The following MARK4 variants were observed in gnomAD, a reference collection of about 807,000 sequenced individuals.
MARK4 encodes the protein MAP/microtubule affinity-regulating kinase 4.
MARK4 carries 19 observed loss-of-function variants against 81.5 expected under a neutral mutation model. The ratio of observed to expected loss-of-function variants is 0.23; its 90% CI spans 0.16 to 0.34. MARK4 has a LOEUF of 0.34. Among genes scored for constraint, MARK4 ranks in the 10% least tolerant of loss-of-function variants. The pLI is 1.00. For missense variants in MARK4, 772 were observed against 1,058.8 expected (o/e 0.73, Z 3.76); for synonymous variants, 436 against 439.0 (o/e 0.99, Z 0.08).
chr19:45,302,719 G>T lies in MARK4; in HGVS notation c.*9G>T, dbSNP rs1352215326. 1 of 1,535,970 alleles carries T rather than the reference G, an allele frequency of 6.5e-7. No individual in the cohort carries two copies. Among genetic ancestry groups the T allele is most frequent in the Non-Finnish European group, 8.7e-7 (1 of 1,146,760 alleles). ...ACGACCTCGAGCTCTGAGCCACCAC[G>T]GTCCCAGGGCCCTTACTCTTCCTCT... On this transcript the variant is annotated 3_prime_UTR_variant, in exon 17 of 17. Transcript: ENST00000262891. The surrounding 1 kb of genome is among the most constrained non-coding windows in gnomAD (Gnocchi z 4.9).
rs1248549961 is a variant in MARK4 at position 45,251,562 on chromosome 19, G to A, written c.-27G>A. ...GGACCCCCGCCCCCCCCACCCGGCC[G>A]CCCCTGCCCCCCGGGACCCGGAGAA... On this transcript the variant is annotated 5_prime_UTR_variant, in exon 1 of 17. Coordinates refer to ENST00000262891, the MANE Select transcript of MARK4 (RefSeq NM_001199867.2). 1.8e-5 allele frequency: 8 copies of A among 439,378 alleles called. No homozygotes were observed. The highest frequency in any genetic ancestry group is 1.2e-4 in the African/African-American group (2 of 17,164). The allele number at this position is 439,378 out of a possible 1,614,324, so 27.2% of individuals were successfully genotyped here.
intron 8 of MARK4, among the ~76,000 whole-genome samples, chr19:45,276,715 T>C (rs941360787): frequency 1.4e-5 from 2 of 146,584 alleles, no homozygotes; most frequent in African/African-American, 5.1e-5. Context: ...AACCTCCGCC[T>C]CCTGGGTTCA....
chr19:45,280,366 C>T lies in MARK4; in HGVS notation c.1007-8C>T, dbSNP rs200707452. ...AGTCTGAAACTTCTCTCCATCCCCC[C>T]CTCCCAGAGGTGATGGTGGGTATGG... On this transcript the variant is annotated splice_polypyrimidine_tract_variant and splice_region_variant and intron_variant, in intron 10 of 16. Coordinates refer to ENST00000262891, the MANE Select transcript of MARK4 (RefSeq NM_001199867.2). The T allele has an allele frequency of 7.4e-6, 12 of 1,612,014 alleles. No individual in the cohort carries two copies. The highest frequency in any genetic ancestry group is 3.3e-5 in the Admixed American group (2 of 59,924).
chr19:45,279,489 C>T (rs1294705706), intron 10 of MARK4, among the ~76,000 whole-genome samples: 4 of 152,144 alleles, frequency 2.6e-5, no homozygotes, highest in African/African-American at 7.2e-5. Context: ...TGTACTCCAC[C>T]CTGGGCGACA....
chr19:45,258,593 G>A (rs1412275700), intron 1 of MARK4, among the ~76,000 whole-genome samples: 4 of 151,994 alleles, frequency 2.6e-5, no homozygotes, highest in Admixed American at 1.3e-4. Flanking sequence ...CCAGCTGCTC[G>A]GGAGGCTGAG....
intron 12 of MARK4, among the ~76,000 whole-genome samples, chr19:45,281,197 C>T (rs980253225): frequency 7.3e-5 from 11 of 151,496 alleles, no homozygotes; most frequent in Admixed American, 4.6e-4. Flanking sequence ...GGATTACAGG[C>T]GCCTGCCATA....
chr19:45,267,893 T>C (rs1970476416), intron 7 of MARK4, among the ~76,000 whole-genome samples: 1 of 152,100 alleles, frequency 6.6e-6, no homozygotes. Context: ...ACTCCTGGGC[T>C]CAAGAGATTC....
chr19:45,265,499 G>T (rs1374544883), intron 6 of MARK4, among the ~76,000 whole-genome samples: 2 of 151,440 alleles, frequency 1.3e-5, no homozygotes, highest in South Asian at 2.1e-4. Flanking sequence ...TAAGAGTGTG[G>T]GGGGGGCCAG....
At chr19:45,301,369 GC>G (rs1970969455) in intron 16 of MARK4, among the ~76,000 whole-genome samples, 1 of 151,314 alleles carries the variant, frequency 6.6e-6, no homozygotes, top group Non-Finnish European at 1.5e-5. Context: ...TTTAAGACCT[GC>G]CTGCCCAACA....
chr19:45,260,530 GA>G (rs533155935), intron 2 of MARK4, among the ~76,000 whole-genome samples: 2 of 148,898 alleles, frequency 1.3e-5, no homozygotes, highest in African/African-American at 2.5e-5. Context: ...CATCTTTACT[GA>G]AAAAAAAATA....
chr19:45,296,768 G>C (rs967928250), intron 14 of MARK4, among the ~76,000 whole-genome samples: 1 of 152,228 alleles, frequency 6.6e-6, no homozygotes, highest in Admixed American at 6.5e-5. Context: ...TGGAGGTCTG[G>C]GCTGGGCGCA....
intron 16 of MARK4, among the ~76,000 whole-genome samples, chr19:45,301,847 A>G (rs1212078197): frequency 8.1e-5 from 12 of 147,822 alleles, no homozygotes; most frequent in Admixed American, 7.4e-4. Flanking sequence ...CCTGGGTAAC[A>G]AGAGCAAAAC....
chr19:45,290,668 C>T (rs1970809270), intron 13 of MARK4, among the ~76,000 whole-genome samples: 1 of 152,178 alleles, frequency 6.6e-6, no homozygotes, highest in Non-Finnish European at 1.5e-5. Context: ...GGTGACTGGC[C>T]ATGACCAGCC....
rs1970522304 is a variant in MARK4 at position 45,271,205 on chromosome 19, C to G, written c.550-267C>G. Among the ~76,000 whole-genome samples, 1 of 152,238 alleles carries G rather than the reference C, an allele frequency of 6.6e-6. No homozygotes were observed. The highest frequency in any genetic ancestry group is 2.4e-5 in the African/African-American group (1 of 41,466). ...ATAGGCGTGAGCCACTATGTCTGGC[C>G]TGTGCTAGGTTTTCTATGTGGATTA... On this transcript the variant is annotated intron_variant, in intron 7 of 16. Coordinates refer to ENST00000262891, the MANE Select transcript of MARK4 (RefSeq NM_001199867.2). The surrounding 1 kb of genome is among the most constrained non-coding windows in gnomAD (Gnocchi z 4.1).
rs2123041138 is a variant in MARK4, at chr19:45,264,921, G to T, written c.492+11G>T. On this transcript the variant is annotated intron_variant, in intron 6 of 16. Transcript: ENST00000262891. ...GCCAAGTTCCGACAGGTTGGGGCAG[G>T]GCTGAGGGTGGGGCTGACTGGGTGC... The T allele has an allele frequency of 6.2e-7, 1 of 1,613,976 alleles. No individual in the cohort carries two copies. Among genetic ancestry groups the T allele is most frequent in the African/African-American group, 1.3e-5 (1 of 75,056 alleles).
intron 12 of MARK4, among the ~76,000 whole-genome samples, chr19:45,284,648 C>T (rs936776658): frequency 2.6e-5 from 4 of 151,884 alleles, no homozygotes; most frequent in Non-Finnish European, 5.9e-5. Context: ...TTTCTTACAT[C>T]TCAGTTTTAG....
chr19:45,266,421 AG>A lies in MARK4; in HGVS notation c.549+141del, dbSNP rs1970454585. The A allele has an allele frequency of 5.1e-6, 4 of 791,956 alleles. No homozygotes were observed. In the South Asian group the frequency reaches 6.0e-5, roughly 12 times the overall value. The allele number at this position is 791,956 out of a possible 1,614,324, so 49.1% of individuals were successfully genotyped here. ...TCCTCCTGCTCTTCCCTCCACACCC[AG>A]CACCCCCTTGACCCTTTCCCAAGCT... On this transcript the variant is annotated intron_variant, in intron 7 of 16. Transcript: ENST00000262891.
At chr19:45,286,973 A>G (rs1392162113) in intron 12 of MARK4, among the ~76,000 whole-genome samples, 2 of 151,930 alleles carry the variant, frequency 1.3e-5, no homozygotes. Context: ...ATAGCTGCAT[A>G]ATTTTCCACT....
At chr19:45,270,396 G>T (rs1970510545) in intron 7 of MARK4, among the ~76,000 whole-genome samples, 1 of 152,098 alleles carries the variant, frequency 6.6e-6, no homozygotes, top group African/African-American at 2.4e-5. Context: ...AGTCCACAGA[G>T]CCCAGTGCAT....
Sources: gnomAD v4.1 joint callset for allele counts (sites outside exome capture counted in the v4.1 genomes callset) on GRCh38, gnomAD v4.1.1 for gene constraint, Gnocchi (gnomAD v3.1) non-coding constraint, MANE v1.5 for transcripts, NCBI Gene and HGNC (gene_info 2026-07-23, HGNC 2026-07-21) for gene names.